TESC: variants seen among roughly 807,000 people sequenced by gnomAD.
TESC encodes tescalcin, also known as calcineurin B homologous protein 3.
TESC carries 19 observed loss-of-function variants against 31.0 expected under a neutral mutation model. That is an observed-to-expected ratio of 0.61 (90% confidence interval 0.43 to 0.90). The LOEUF is 0.90. Ranked by LOEUF, TESC falls within the 40% of genes least tolerant of loss-of-function variation. TESC has a pLI of 0.00. For synonymous variants in TESC, 109 were observed against 114.8 expected (o/e 0.95, Z 0.32); for missense variants, 248 against 303.8 (o/e 0.82, Z 1.36).
chr12:117,093,783 T>A (rs77885449), intron 1 of TESC, among the ~76,000 whole-genome samples: 1 of 105,296 alleles, frequency 9.5e-6, no homozygotes, highest in Admixed American at 8.6e-5. Context: ...GTCTGGAGAT[T>A]TTTTTTTTTT....
intron 6 of TESC, among the ~76,000 whole-genome samples, chr12:117,044,795 G>T (rs1954532840): frequency 6.6e-6 from 1 of 152,178 alleles, no homozygotes; most frequent in Non-Finnish European, 1.5e-5. Flanking sequence ...TACTCGGGAG[G>T]CTGAGGCAGG....
chr12:117,062,889 G>T (rs1296840936), intron 2 of TESC, among the ~76,000 whole-genome samples: 3 of 152,178 alleles, frequency 2.0e-5, no homozygotes, highest in African/African-American at 4.8e-5. Flanking sequence ...CTGACGGCAG[G>T]TCACTGCCCT....
rs980776817 is a variant in TESC, at chr12:117,039,013, G to A, written c.*120C>T. 26 of 1,065,338 alleles carry A rather than the reference G, an allele frequency of 2.4e-5. No individual in the cohort carries two copies. The highest frequency in any genetic ancestry group is 5.2e-5 in the East Asian group (2 of 38,240). The allele number at this position is 1,065,338 out of a possible 1,614,324, so 66.0% of individuals were successfully genotyped here. Reference sequence around the variant, plus strand: ...CCTACAAGACACAAGGTGCGCAGACGAGCCTTGGCTATGTACCGGCGCTGC... The same window carrying A: ...CCTACAAGACACAAGGTGCGCAGACAAGCCTTGGCTATGTACCGGCGCTGC... On this transcript the variant is annotated 3_prime_UTR_variant, in exon 8 of 8. Transcript: ENST00000335209.
chr12:117,077,285 A>C (rs1212932866), intron 1 of TESC, among the ~76,000 whole-genome samples: 1 of 152,206 alleles, frequency 6.6e-6, no homozygotes, highest in Admixed American at 6.5e-5. Context: ...TTACAGATGT[A>C]GCCACTGACA....
In TESC at chr12:117,070,687, T is replaced by C. The variant is rs77512323; in HGVS notation, c.128+4584A>G. On this transcript the variant is annotated intron_variant, in intron 2 of 7. Transcript: ENST00000335209. ...GACCCAGGGCCAGGTACATGGCCTC[T>C]CTCTCTAGCCTTACTTTCCCATCTG... Among the ~76,000 whole-genome samples the C allele has an allele frequency of 6.9e-3, 1,053 of 152,270 alleles. 10 individuals are homozygous for C. The highest frequency in any genetic ancestry group is 0.023 in the African/African-American group (967 of 41,546).
At chr12:117,043,455 A>ATTTGTTTTGT (rs58681371) in intron 6 of TESC, among the ~76,000 whole-genome samples, 1 of 150,994 alleles carries the variant, frequency 6.6e-6, no homozygotes, top group African/African-American at 2.4e-5. Flanking sequence ...TTTTGTTTTC[A>ATTTGTTTTGT]TTTGTTTTGT....
rs1010736650 is a variant in TESC, at chr12:117,039,044, G to A, written c.*89C>T. Reference sequence around the variant, plus strand: ...TGGCTATGTACCGGCGCTGCAGGAAGAGGCTGTCCGCCGGGCCTGGGCTGC... The same window carrying A: ...TGGCTATGTACCGGCGCTGCAGGAAAAGGCTGTCCGCCGGGCCTGGGCTGC... On this transcript the variant is annotated 3_prime_UTR_variant, in exon 8 of 8. Transcript: ENST00000335209. The A allele has an allele frequency of 5.5e-6, 8 of 1,441,720 alleles. No homozygotes were observed. In the Admixed American group the frequency reaches 7.7e-5, roughly 14 times the overall value. The allele number at this position is 1,441,720 out of a possible 1,614,324, so 89.3% of individuals were successfully genotyped here. A position where few individuals can be genotyped will look rare whatever the true frequency, so the allele number is the denominator to read the frequency against.
rs1329894688 is a variant in TESC, at chr12:117,077,878, C to T, written c.59-2538G>A. Among the ~76,000 whole-genome samples, 3 of 152,072 alleles carry T rather than the reference C, an allele frequency of 2.0e-5. No homozygotes were observed. The East Asian group carries it at 5.8e-4, about 29-fold the overall frequency. The stretch of plus-strand genomic sequence containing the variant: ...TCCGTACACTTTACATAGTCGTGTT[C>T]TCGGAAACCTCAAAGAGCTGTCTGT... On this transcript the variant is annotated intron_variant, in intron 1 of 7. Transcript: ENST00000335209.
At chr12:117,080,250 T>C (rs1955127744) in intron 1 of TESC, among the ~76,000 whole-genome samples, 1 of 152,106 alleles carries the variant, frequency 6.6e-6, no homozygotes, top group South Asian at 2.1e-4. Flanking sequence ...GGTGGATCAC[T>C]TGAGGCCAGG....
At chr12:117,092,402 C>A (rs1955325126) in intron 1 of TESC, among the ~76,000 whole-genome samples, 1 of 152,216 alleles carries the variant, frequency 6.6e-6, no homozygotes, top group South Asian at 2.1e-4. Context: ...AGGCAGGTGC[C>A]TTTGGTTGAT....
chr12:117,046,690 C>T (rs1592992986), intron 5 of TESC, 24 bp from the exon 6 acceptor site: 11 of 1,552,262 alleles, frequency 7.1e-6, no homozygotes, highest in African/African-American at 1.4e-5. Context: ...CGGAAACAAA[C>T]GGTGACCTTG....
intron 2 of TESC, among the ~76,000 whole-genome samples, chr12:117,058,396 G>T (rs555671549): frequency 6.6e-6 from 1 of 152,194 alleles, no homozygotes; most frequent in East Asian, 1.9e-4. Context: ...TGGGGAGAGG[G>T]GAATGTGGTG....
chr12:117,094,163 T>C (rs1043017735), intron 1 of TESC, among the ~76,000 whole-genome samples: 1 of 152,132 alleles, frequency 6.6e-6, no homozygotes, highest in South Asian at 2.1e-4. Flanking sequence ...CTTAACAATC[T>C]AGATGTGAGC....
intron 1 of TESC, among the ~76,000 whole-genome samples, chr12:117,087,330 A>G (rs781179651): frequency 3.9e-5 from 6 of 152,166 alleles, no homozygotes; most frequent in Non-Finnish European, 7.3e-5. Flanking sequence ...TTTTCATGCC[A>G]ACTTCAACCC....
intron 3 of TESC, 70 bp from the exon 4 acceptor site, chr12:117,049,228 C>T (rs1405346029): frequency 3.8e-6 from 6 of 1,596,522 alleles, no homozygotes; most frequent in South Asian, 2.3e-5. Context: ...CTACCATTAG[C>T]TCCCGAGAAC....
At chr12:117,097,748 C>T (rs12322125) in intron 1 of TESC, among the ~76,000 whole-genome samples, 6,922 of 152,152 alleles carry the variant, frequency 0.045, 410 homozygotes, top group African/African-American at 0.14. Flanking sequence ...CCACTCCCCC[C>T]GCAACCCCCA....
At chr12:117,062,675 A>T (rs537067898) in intron 2 of TESC, among the ~76,000 whole-genome samples, 2 of 152,298 alleles carry the variant, frequency 1.3e-5, no homozygotes, top group South Asian at 4.1e-4. Context: ...CTTTTCAACA[A>T]GGAGAGCACC....
At chr12:117,072,289 G>T (rs1954985114) in intron 2 of TESC, among the ~76,000 whole-genome samples, 2 of 152,100 alleles carry the variant, frequency 1.3e-5, no homozygotes, top group South Asian at 4.1e-4. Context: ...TAGAGATGGG[G>T]TCTCACTGTG....
At chr12:117,093,726 G>A (rs1360318655) in intron 1 of TESC, among the ~76,000 whole-genome samples, 3 of 152,080 alleles carry the variant, frequency 2.0e-5, no homozygotes, top group Non-Finnish European at 4.4e-5. Context: ...CAGATGCCAC[G>A]CGCCCGAGAA....
Sources: gnomAD v4.1 joint callset for allele counts (sites outside exome capture counted in the v4.1 genomes callset) on GRCh38, gnomAD v4.1.1 for gene constraint, MANE v1.5 for transcripts, NCBI Gene and HGNC (gene_info 2026-07-23, HGNC 2026-07-21) for gene names.